Variants in NFATC1 observed in about 807,000 individuals in gnomAD.
NFATC1 encodes nuclear factor of activated T-cells, cytoplasmic 1.
A neutral mutation model predicts 76.0 loss-of-function variants in NFATC1; 22 were observed. That is an observed-to-expected ratio of 0.29 (90% CI 0.21 to 0.41). The LOEUF (loss-of-function observed/expected upper bound fraction) is 0.41, where lower values mean the gene tolerates loss of function less well. Among genes scored for constraint, NFATC1 ranks in the 10% least tolerant of loss-of-function variants. The pLI is 1.00. For synonymous variants in NFATC1, 704 were observed against 613.1 expected (o/e 1.15, Z -2.19); for missense variants, 1,357 against 1,337.7 (o/e 1.01, Z -0.23).
intron 8 of NFATC1, chr18:79,467,893 A>AG (rs1238497608): frequency 2.6e-6 from 3 of 1,171,996 alleles, no homozygotes; most frequent in South Asian, 2.3e-5. Context: ...CAAAAAACTG[A>AG]GGGGGTCCTG....
At chr18:79,483,435 TG>T (rs2089378372) in intron 8 of NFATC1, among the ~76,000 whole-genome samples, 1 of 129,584 alleles carries the variant, frequency 7.7e-6, no homozygotes, top group Non-Finnish European at 1.6e-5. Context: ...CGGCGTGACC[TG>T]GTCCTGGGGT....
chr18:79,496,803 C>T (rs1160659532), intron 9 of NFATC1: 2 of 152,294 alleles, frequency 1.3e-5, no homozygotes, highest in African/African-American at 4.8e-5. Flanking sequence ...TGTACATTTT[C>T]TCCTGTGCGT....
chr18:79,488,667 T>C (rs1270861483), intron 9 of NFATC1, among the ~76,000 whole-genome samples: 1 of 152,236 alleles, frequency 6.6e-6, no homozygotes, highest in East Asian at 1.9e-4. Context: ...ACAGATGGAC[T>C]CTGCCTTCCT....
intron 3 of NFATC1, among the ~76,000 whole-genome samples, chr18:79,444,751 C>CCG (rs1416847898): frequency 5.7e-5 from 8 of 139,542 alleles, no homozygotes; most frequent in African/African-American, 2.6e-4. Context: ...GTGCCCGACC[C>CCG]CACAGACCAC....
chr18:79,440,464 C>T (rs969590735), intron 3 of NFATC1, among the ~76,000 whole-genome samples: 3 of 152,250 alleles, frequency 2.0e-5, no homozygotes, highest in Non-Finnish European at 2.9e-5. Context: ...GGGGAGGCGG[C>T]GCCCTGGCAG....
intron 9 of NFATC1, among the ~76,000 whole-genome samples, chr18:79,488,362 G>T (rs1482252971): frequency 6.7e-6 from 1 of 150,204 alleles, no homozygotes; most frequent in African/African-American, 2.5e-5. Context: ...GTCCCATGAA[G>T]CCCGCAGCCC....
intron 9 of NFATC1, among the ~76,000 whole-genome samples, chr18:79,489,720 G>A (rs1351925386): frequency 2.0e-5 from 3 of 152,154 alleles, no homozygotes; most frequent in African/African-American, 7.2e-5. Flanking sequence ...CAGTCATCTC[G>A]TCCACGTACG....
intron 3 of NFATC1, 149 bp from the exon 4 acceptor site, chr18:79,448,633 G>C: frequency 1.4e-6 from 1 of 735,444 alleles, no homozygotes; most frequent in South Asian, 1.8e-5. Context: ...GATTTACAAA[G>C]ACACCAGTAT....
intron 3 of NFATC1, among the ~76,000 whole-genome samples, chr18:79,444,448 T>C (rs2087112690): frequency 8.8e-6 from 1 of 113,278 alleles, no homozygotes; most frequent in South Asian, 2.3e-4. Context: ...CCCACGCTGC[T>C]CTGGAGGGAG....
At chr18:79,502,155 A>G (rs573898916) in intron 9 of NFATC1, among the ~76,000 whole-genome samples, 4 of 152,252 alleles carry the variant, frequency 2.6e-5, no homozygotes, top group African/African-American at 9.6e-5. Flanking sequence ...GGCATAGGAC[A>G]CATAGATCAG....
chr18:79,433,867 C>T (rs1490870388), intron 3 of NFATC1, 129 bp downstream of exon 3: 16 of 1,156,412 alleles, frequency 1.4e-5, no homozygotes, highest in African/African-American at 3.1e-5. Context: ...TGGTTAGTCC[C>T]GGGCGGCTGC....
chr18:79,514,564 CAAAAAAA>C (rs61341859), intron 9 of NFATC1, among the ~76,000 whole-genome samples: 28 of 47,238 alleles, frequency 5.9e-4, no homozygotes, highest in African/African-American at 2.0e-3. Flanking sequence ...GACCCTGCCT[CAAAAAAA>C]AAAAAAAAAA....
chr18:79,503,260 A>G (rs2090051139), intron 9 of NFATC1, among the ~76,000 whole-genome samples: 1 of 152,216 alleles, frequency 6.6e-6, no homozygotes, highest in Admixed American at 6.5e-5. Context: ...GAGACGTCGC[A>G]GGTTCAGCCT....
intron 8 of NFATC1, chr18:79,469,901 C>G: frequency 1.0e-6 from 1 of 985,462 alleles, no homozygotes; most frequent in Non-Finnish European, 1.2e-6. Context: ...GACTGTGAGC[C>G]CCTCAGGCAG....
At chr18:79,434,469 G>A (rs2086703478) in intron 3 of NFATC1, among the ~76,000 whole-genome samples, 1 of 152,238 alleles carries the variant, frequency 6.6e-6, no homozygotes, top group African/African-American at 2.4e-5. Context: ...TGTGGATCCC[G>A]GGTAGCCGTG....
At position 79,467,509 on chromosome 18, in the gene NFATC1, C is replaced by G. The variant is rs55829785; in HGVS notation, c.2019C>G (p.His673Gln). Residue 673 changes from histidine to glutamine, a missense_variant, in exon 8 of 10, where the codon CAC (histidine) becomes CAG (glutamine). Around this residue, in one of 3 missense-constraint regions of NFATC1, gnomAD observed 424 missense variants for 395.4 expected, o/e 1.07. Transcript: ENST00000427363. ...ATCAGAGGATAACCAGCCCCGTTCACGTCAGTTTCTACGTCTGCAACGGGA... is the reference window on the plus strand; with the variant it reads ...ATCAGAGGATAACCAGCCCCGTTCAGGTCAGTTTCTACGTCTGCAACGGGA... ...FRNQRITSPV[H>Q]VSFYVCNGKR... The G allele has an allele frequency of 6.2e-7, 1 of 1,613,826 alleles. No homozygotes were observed. The highest frequency in any genetic ancestry group is 8.5e-7 in the Non-Finnish European group (1 of 1,179,818).
intron 9 of NFATC1, among the ~76,000 whole-genome samples, chr18:79,489,361 G>A (rs1284378947): frequency 1.3e-5 from 2 of 152,214 alleles, no homozygotes; most frequent in African/African-American, 4.8e-5. Context: ...CATCTGCCAT[G>A]GGGCTGGGCC....
At position 79,437,671 on chromosome 18, in the gene NFATC1, G is replaced by GC. The variant is rs202190311; in HGVS notation, c.1386+3935dup. ...TGTCCTGATGGTGGCACCTCGGGCA[G>GC]CCGCCACCCTCTGCCCTCCACCCTC... On this transcript the variant is annotated intron_variant, in intron 3 of 9. Transcript: ENST00000427363. Among the ~76,000 whole-genome samples the GC allele has an allele frequency of 8.3e-3, 1,267 of 152,346 alleles. 6 individuals are homozygous for GC. The highest frequency in any genetic ancestry group is 0.014 in the Non-Finnish European group (960 of 68,024).
chr18:79,435,927 A>G (rs2144681779), intron 3 of NFATC1, among the ~76,000 whole-genome samples: 1 of 152,262 alleles, frequency 6.6e-6, no homozygotes, highest in East Asian at 1.9e-4. Flanking sequence ...ATTTGTAGAA[A>G]TTAGTAATTT....
Sources: allele counts gnomAD v4.1 joint callset (sites outside exome capture counted in the v4.1 genomes callset), GRCh38; gene constraint gnomAD v4.1.1; regional missense constraint gnomAD v4.1.1; transcripts MANE v1.5; gene names NCBI Gene and HGNC (gene_info 2026-07-23, HGNC 2026-07-21).